Variants in SAXO2 observed in about 807,000 individuals in gnomAD.
SAXO2 encodes the protein stabilizer of axonemal microtubules 2.
A neutral mutation model predicts 18.7 loss-of-function variants in SAXO2; 17 were observed. The observed-to-expected ratio is 0.91, with a 90% CI of 0.62 to 1.36. The LOEUF (loss-of-function observed/expected upper bound fraction) is 1.36, where lower values mean the gene tolerates loss of function less well. Ranked by LOEUF, SAXO2 falls within the 40% of genes most tolerant of loss-of-function variation. SAXO2 has a pLI of 0.00. For synonymous variants in SAXO2, 163 were observed against 181.2 expected (o/e 0.90, Z 0.81); for missense variants, 486 against 562.6 (o/e 0.86, Z 1.38).
At chr15:82,272,531 G>A (rs774653154) in intron 3 of SAXO2, among the ~76,000 whole-genome samples, 45 of 151,238 alleles carry the variant, frequency 3.0e-4, no homozygotes, top group East Asian at 1.9e-4. Context: ...CTGTTTTTTT[G>A]TTGTTGTTGT....
chr15:82,283,150 T>G lies in SAXO2; in HGVS notation c.*88T>G. On this transcript the variant is annotated 3_prime_UTR_variant, in exon 4 of 4. Coordinates refer to ENST00000682753, the MANE Select transcript of SAXO2 (RefSeq NM_001348699.2). ...ATTTTTATAGTTAAAAAATTTATGATATAATAAATCATTTTTTATATTTTT... is the reference window on the plus strand; with the variant it reads ...ATTTTTATAGTTAAAAAATTTATGAGATAATAAATCATTTTTTATATTTTT... 1 of 846,234 alleles carries G rather than the reference T, an allele frequency of 1.2e-6. No individual in the cohort carries two copies. Among genetic ancestry groups the G allele is most frequent in the South Asian group, 4.6e-5 (1 of 21,622 alleles). The allele number at this position is 846,234 out of a possible 1,614,324, so 52.4% of individuals were successfully genotyped here.
At chr15:82,267,395 C>G (rs1357772830) in intron 2 of SAXO2, among the ~76,000 whole-genome samples, 2 of 152,202 alleles carry the variant, frequency 1.3e-5, no homozygotes, top group Non-Finnish European at 2.9e-5. Context: ...ATGCATTTAT[C>G]TCAGTGAGCA....
Position 82,263,114 on chromosome 15 carries a change from C to T in SAXO2, c.53+182C>T. On this transcript the variant is annotated intron_variant, in intron 1 of 3. Coordinates refer to ENST00000682753, the MANE Select transcript of SAXO2 (RefSeq NM_001348699.2). The stretch of plus-strand genomic sequence containing the variant: ...TACTCGCTCCTCACCCGCCTGCTAC[C>T]CGGGGGTAAAACGTTTGTTCGTAGC... 3 of 1,481,942 alleles carry T rather than the reference C, an allele frequency of 2.0e-6. No individual in the cohort carries two copies. The South Asian group carries it at 4.0e-5, about 20-fold the overall frequency. The allele number at this position is 1,481,942 out of a possible 1,614,324, so 91.8% of individuals were successfully genotyped here.
chr15:82,267,914 G>C (rs1202479340), intron 2 of SAXO2, among the ~76,000 whole-genome samples: 2 of 152,300 alleles, frequency 1.3e-5, no homozygotes, highest in Admixed American at 1.3e-4. Flanking sequence ...AACCAGCATT[G>C]GTGGTGATTC....
rs115465205 is a variant in SAXO2 at position 82,267,081 on chromosome 15, A to G, written c.233+1333A>G. On this transcript the variant is annotated intron_variant, in intron 2 of 3. Coordinates refer to ENST00000682753, the MANE Select transcript of SAXO2 (RefSeq NM_001348699.2). ...AAAATGTCAAGTTTGTGAACCCCAA[A>G]TATCTGAGATAGGTGTCAGTTAATT... 8.0e-3 allele frequency among the ~76,000 whole-genome samples: 1,218 copies of G among 152,304 alleles called. 13 individuals are homozygous for G. The highest frequency in any genetic ancestry group is 0.027 in the African/African-American group (1,142 of 41,560).
In SAXO2 at chr15:82,264,164, G is replaced by A. The variant is rs368122872; in HGVS notation, c.53+1232G>A. 2.1e-4 allele frequency among the ~76,000 whole-genome samples: 32 copies of A among 149,502 alleles called. 1 individual carries two copies. The highest frequency in any genetic ancestry group is 7.6e-4 in the African/African-American group (31 of 40,700). On this transcript the variant is annotated intron_variant, in intron 1 of 3. Coordinates refer to ENST00000682753, the MANE Select transcript of SAXO2 (RefSeq NM_001348699.2). ...CGGCTCACTGCAATCTCCGCCTCCC[G>A]GGTTCAAGCAATTCTCCTGCCTCAG... is the stretch of plus-strand genomic sequence containing the variant.
chr15:82,263,295 T>C lies in SAXO2; in HGVS notation c.53+363T>C, dbSNP rs1286801571. 2.0e-5 allele frequency: 26 copies of C among 1,297,414 alleles called. 1 individual carries two copies. In the Admixed American group the frequency reaches 2.2e-4, roughly 11 times the overall value. 80.4% of individuals were successfully genotyped at this position (1,297,414 alleles called of 1,614,324 possible). ...ACCCCATAATCCCCCACCACGAAGA[T>C]GAGAAAGAACAGTGCTCAAGGCCCT... On this transcript the variant is annotated intron_variant, in intron 1 of 3. Transcript: ENST00000682753.
Position 82,271,780 on chromosome 15 carries a change from G to T in SAXO2, c.411G>T (p.Leu137Phe). Residue 137 changes from leucine to phenylalanine, a missense_variant, in exon 3 of 4, where the codon TTG becomes TTT. Transcript: ENST00000682753. ...AGAGACAAGTTAAAAAAGGAAAATT[G>T]GACACTGTCCCAACCTATAAAGGTA... ...PLERQVKKGK[L>F]DTVPTYKDDY... is the part of the protein sequence containing the mutation. 6.2e-7 allele frequency: 1 copy of T among 1,613,928 alleles called. No individual in the cohort carries two copies. Among genetic ancestry groups the T allele is most frequent in the Non-Finnish European group, 8.5e-7 (1 of 1,179,920 alleles).
chr15:82,271,620 A>T lies in SAXO2; in HGVS notation c.251A>T (p.Tyr84Phe). ...ITTFKSDYCPYEIVKQPRHVP... is the reference protein window; with the variant it reads ...ITTFKSDYCPFEIVKQPRHVP... ...TATTTCAGGTCGGATTATTGTCCTT[A>T]TGAAATAGTTAAACAGCCTCGCCAT... Residue 84 changes from tyrosine (Y) to phenylalanine (F), a missense_variant, in exon 3 of 4, where the codon TAT (tyrosine) becomes TTT (phenylalanine). Transcript: ENST00000682753. The T allele has an allele frequency of 1.9e-6, 3 of 1,612,856 alleles. No homozygotes were observed. Among genetic ancestry groups the T allele is most frequent in the Non-Finnish European group, 2.5e-6 (3 of 1,179,440 alleles).
In SAXO2 at chr15:82,271,646, G is replaced by A. The variant is rs1431552534; in HGVS notation, c.277G>A (p.Val93Met). ...PYEIVKQPRH[V>M]PEEYKPKQGK... Reference sequence around the variant, plus strand: ...TGAAATAGTTAAACAGCCTCGCCATGTGCCAGAAGAATATAAACCAAAACA... The same window carrying A: ...TGAAATAGTTAAACAGCCTCGCCATATGCCAGAAGAATATAAACCAAAACA... Residue 93 changes from valine (V) to methionine (M), a missense_variant, in exon 3 of 4, where the codon GTG becomes ATG. By Grantham distance (21) the Val-to-Met change is conservative. Coordinates refer to ENST00000682753, the MANE Select transcript of SAXO2 (RefSeq NM_001348699.2). 6.2e-7 allele frequency: 1 copy of A among 1,613,962 alleles called. No homozygotes were observed. Among genetic ancestry groups the A allele is most frequent in the East Asian group, 2.2e-5 (1 of 44,878 alleles).
At chr15:82,263,527 C>G in intron 1 of SAXO2, 1 of 676,450 alleles carries the variant, frequency 1.5e-6, no homozygotes, top group African/African-American at 1.8e-5. Context: ...CCTCTCCTTC[C>G]TCAGCTTCAC....
intron 3 of SAXO2, among the ~76,000 whole-genome samples, chr15:82,272,440 A>G (rs780447739): frequency 3.3e-5 from 5 of 152,200 alleles, no homozygotes; most frequent in Non-Finnish European, 7.4e-5. Flanking sequence ...GGATGGTGGA[A>G]GGGTGAGAAT....
chr15:82,283,622 T>C lies in SAXO2; in HGVS notation c.*560T>C, dbSNP rs1249442076. On this transcript the variant is annotated 3_prime_UTR_variant, in exon 4 of 4. Transcript: ENST00000682753. ...GCACTGTGGTGTGGCAAGGAAAGGC[T>C]CTGTGTGCTGGGAATCGAAGGACTT... 6.6e-6 allele frequency: 1 copy of C among 152,352 alleles called. No homozygotes were observed. The highest frequency in any genetic ancestry group is 1.5e-5 in the Non-Finnish European group (1 of 68,168). 9.4% of individuals were successfully genotyped at this position (152,352 alleles called of 1,614,324 possible).
At chr15:82,271,933 C>T in intron 3 of SAXO2, 131 bp downstream of exon 3, 1 of 745,094 alleles carries the variant, frequency 1.3e-6, no homozygotes, top group East Asian at 2.7e-5. Flanking sequence ...GAACATTTCT[C>T]TCTTTGGCAA....
At chr15:82,279,030 C>T (rs1317705870) in intron 3 of SAXO2, among the ~76,000 whole-genome samples, 3 of 151,450 alleles carry the variant, frequency 2.0e-5, no homozygotes, top group African/African-American at 7.3e-5. Context: ...CAAAGCAAAG[C>T]AGAAGGAAAT....
chr15:82,275,920 A>G (rs992643651), intron 3 of SAXO2, among the ~76,000 whole-genome samples: 2 of 151,954 alleles, frequency 1.3e-5, no homozygotes, highest in African/African-American at 4.8e-5. Context: ...CAAGCAAGAG[A>G]AAGAAAAGGC....
Position 82,274,041 on chromosome 15 carries a change from T to C in SAXO2, c.433+2239T>C, listed in dbSNP as rs190570871. On this transcript the variant is annotated intron_variant, in intron 3 of 3. Transcript: ENST00000682753. ...ATGAGCCACTATATTTGGTCTCTTA[T>C]ACAATCACAGTAAGATTTTCTTTTT... Among the ~76,000 whole-genome samples, 4 of 152,182 alleles carry C rather than the reference T, an allele frequency of 2.6e-5. 1 individual carries two copies. Among genetic ancestry groups the C allele is most frequent in the Admixed American group, 6.5e-5 (1 of 15,302 alleles).
chr15:82,279,133 A>G (rs1476288243), intron 3 of SAXO2, among the ~76,000 whole-genome samples: 1 of 152,172 alleles, frequency 6.6e-6, no homozygotes, highest in African/African-American at 2.4e-5. Context: ...TTAAAAGATA[A>G]TGAAGTTAAT....
intron 3 of SAXO2, among the ~76,000 whole-genome samples, chr15:82,275,250 A>G (rs1000398392): frequency 2.9e-5 from 4 of 139,516 alleles, no homozygotes; most frequent in African/African-American, 7.8e-5. Flanking sequence ...ACGAGTAAGG[A>G]AATTGAATCA....
Sources: allele counts gnomAD v4.1 joint callset (sites outside exome capture counted in the v4.1 genomes callset), GRCh38; gene constraint gnomAD v4.1.1; transcripts MANE v1.5; gene names NCBI Gene and HGNC (gene_info 2026-07-23, HGNC 2026-07-21).